CUEDC1: variants seen among roughly 807,000 people sequenced by gnomAD.
CUEDC1 encodes the protein CUE domain containing 1.
In CUEDC1, 30 loss-of-function variants were observed where a neutral mutation model predicts 43.7. That is an observed-to-expected ratio of 0.69 (90% CI 0.51 to 0.93). CUEDC1 has a LOEUF of 0.93. Ranked by LOEUF, CUEDC1 falls within the 40% of genes least tolerant of loss-of-function variation. CUEDC1 has a pLI of 0.00. For missense variants in CUEDC1, 486 were observed against 549.0 expected (o/e 0.89, Z 1.15); for synonymous variants, 223 against 223.6 (o/e 1.00, Z 0.02).
At position 57,872,668 on chromosome 17, in the gene CUEDC1, TC is replaced by T. The variant is rs2074050244; in HGVS notation, c.778del (p.Glu260ArgfsTer5). 6.2e-7 allele frequency: 1 copy of T among 1,613,882 alleles called. No individual in the cohort carries two copies. The highest frequency in any genetic ancestry group is 2.2e-5 in the East Asian group (1 of 44,862). On this transcript the variant is annotated frameshift_variant, in exon 5 of 11. Coordinates refer to ENST00000577830, the MANE Select transcript of CUEDC1 (RefSeq NM_001271875.2). LOFTEE classifies it high-confidence loss of function. The part of the protein sequence containing the change: ...QRNRDFLLAL[E>X]RDRLKYESQK... ...TGGCTGCAGGCGCTGCCCACCTCTC[TC>T]CAGAGCGAGGAGGAAGTCGCGGTTC... is the stretch of plus-strand genomic sequence containing the variant.
In CUEDC1 at chr17:57,862,661, C is replaced by CAA. The variant is rs1006843277; in HGVS notation, c.*627_*628insTT. On this transcript the variant is annotated 3_prime_UTR_variant, in exon 11 of 11. Transcript: ENST00000577830. Reference sequence around the variant, plus strand: ...TGCTTTGCAGTAGCCCATAGCTCCTCAGAGTTCCTGGGGGACTGGCCAGGG... The same window carrying CAA: ...TGCTTTGCAGTAGCCCATAGCTCCTCAAAGAGTTCCTGGGGGACTGGCCAGGG... 3.3e-5 allele frequency: 5 copies of CAA among 152,338 alleles called. No homozygotes were observed. Among genetic ancestry groups the CAA allele is most frequent in the African/African-American group, 9.7e-5 (4 of 41,412 alleles). The allele number at this position is 152,338 out of a possible 1,614,324, so 9.4% of individuals were successfully genotyped here. A position where few individuals can be genotyped will look rare whatever the true frequency, so the allele number is the denominator to read the frequency against.
intron 1 of CUEDC1, among the ~76,000 whole-genome samples, chr17:57,948,884 T>A (rs143308674): frequency 6.6e-6 from 1 of 152,322 alleles, no homozygotes; most frequent in African/African-American, 2.4e-5. Context: ...CTTAAGGGAC[T>A]TTTATGTCTT....
At chr17:57,911,930 CACAA>C (rs1340488856) in intron 1 of CUEDC1, among the ~76,000 whole-genome samples, 1 of 152,220 alleles carries the variant, frequency 6.6e-6, no homozygotes, top group African/African-American at 2.4e-5. Flanking sequence ...CAGTGACATT[CACAA>C]ACAGACTTCT....
At chr17:57,880,755 C>T (rs146972395) in intron 2 of CUEDC1, among the ~76,000 whole-genome samples, 217 of 152,268 alleles carry the variant, frequency 1.4e-3, no homozygotes, top group African/African-American at 4.9e-3. Context: ...TACAGGCGTG[C>T]GCCACCACCC....
chr17:57,899,922 G>C (rs1311319142), intron 1 of CUEDC1, among the ~76,000 whole-genome samples: 1 of 151,882 alleles, frequency 6.6e-6, no homozygotes, highest in African/African-American at 2.4e-5. Flanking sequence ...AGCAGGGCCA[G>C]ATGAGGCCCT....
At chr17:57,911,949 A>G (rs915114804) in intron 1 of CUEDC1, among the ~76,000 whole-genome samples, 5 of 152,202 alleles carry the variant, frequency 3.3e-5, no homozygotes, top group Non-Finnish European at 7.3e-5. Flanking sequence ...ACTTCTAATT[A>G]TTCACTCGCT....
chr17:57,928,700 A>C (rs953406291), intron 1 of CUEDC1, among the ~76,000 whole-genome samples: 4 of 151,280 alleles, frequency 2.6e-5, no homozygotes, highest in African/African-American at 9.7e-5. Context: ...GGGCAACTTG[A>C]GTTTCTCCAG....
At chr17:57,938,978 T>A (rs1264045972) in intron 1 of CUEDC1, among the ~76,000 whole-genome samples, 1 of 123,758 alleles carries the variant, frequency 8.1e-6, no homozygotes, top group Non-Finnish European at 1.7e-5. Flanking sequence ...TTTTTTTTTT[T>A]TTTTTTTGAA....
chr17:57,897,071 A>C (rs991614166), intron 1 of CUEDC1, among the ~76,000 whole-genome samples: 3 of 152,010 alleles, frequency 2.0e-5, no homozygotes, highest in Non-Finnish European at 4.4e-5. Context: ...GCGCCTGGCC[A>C]TGTCTTTTGC....
rs1259354319 is a variant in CUEDC1 at position 57,885,698 on chromosome 17, C to CA, written c.-135_-134insT. On this transcript the variant is annotated 5_prime_UTR_variant, in exon 2 of 11. The change abolishes the stop of an existing upstream ORF in the 5' untranslated region. Coordinates refer to ENST00000577830, the MANE Select transcript of CUEDC1 (RefSeq NM_001271875.2). Reference sequence around the variant, plus strand: ...CCTGCGCCTCCTCCTCCCCGGGTAGCCAGGCAGCAATGGGCTGCCAAGAGC... The same window carrying CA: ...CCTGCGCCTCCTCCTCCCCGGGTAGCACAGGCAGCAATGGGCTGCCAAGAGC... The CA allele has an allele frequency of 2.2e-5, 28 of 1,286,692 alleles. No individual in the cohort carries two copies. The Middle Eastern group carries it at 8.8e-4, about 40-fold the overall frequency. 79.7% of individuals were successfully genotyped at this position (1,286,692 alleles called of 1,614,324 possible).
intron 1 of CUEDC1, chr17:57,903,104 C>G (rs1238361117): frequency 1.3e-5 from 2 of 152,248 alleles, no homozygotes. Flanking sequence ...GGAGGAGGAG[C>G]GAAGCCACTG....
At chr17:57,916,960 G>A (rs1166374475) in intron 1 of CUEDC1, among the ~76,000 whole-genome samples, 2 of 152,168 alleles carry the variant, frequency 1.3e-5, no homozygotes, top group Non-Finnish European at 1.5e-5. Flanking sequence ...TGGAGGGGTG[G>A]GGACTGGACT....
At chr17:57,904,763 CG>C (rs1193486406) in intron 1 of CUEDC1, among the ~76,000 whole-genome samples, 4 of 152,076 alleles carry the variant, frequency 2.6e-5, no homozygotes, top group African/African-American at 7.2e-5. Flanking sequence ...ATCGCCCTAC[CG>C]TAGGGGAGTG....
At chr17:57,918,581 A>T (rs939603620) in intron 1 of CUEDC1, among the ~76,000 whole-genome samples, 2 of 152,238 alleles carry the variant, frequency 1.3e-5, no homozygotes, top group Non-Finnish European at 2.9e-5. Context: ...TGACACAGGG[A>T]CACCTGTTTA....
intron 1 of CUEDC1, among the ~76,000 whole-genome samples, chr17:57,941,249 C>T (rs1468630950): frequency 6.6e-6 from 1 of 152,200 alleles, no homozygotes; most frequent in African/African-American, 2.4e-5. Flanking sequence ...GGAAAAGTCC[C>T]CCATGACTGA....
chr17:57,869,264 C>T (rs1302409253), intron 6 of CUEDC1, 71 bp from the exon 7 acceptor site: 2 of 1,327,302 alleles, frequency 1.5e-6, no homozygotes, highest in African/African-American at 1.4e-5. Context: ...CCTACCCACC[C>T]ATCTGAGGAC....
chr17:57,946,079 G>A (rs1291624257), intron 1 of CUEDC1, among the ~76,000 whole-genome samples: 1 of 152,126 alleles, frequency 6.6e-6, no homozygotes, highest in East Asian at 1.9e-4. Flanking sequence ...AAGACTCAGA[G>A]AGATTGAGTA....
chr17:57,933,854 C>T (rs562797611), intron 1 of CUEDC1, among the ~76,000 whole-genome samples: 4 of 152,258 alleles, frequency 2.6e-5, no homozygotes, highest in East Asian at 3.9e-4. Flanking sequence ...TTTCTCCCTA[C>T]ACCTCCTTCA....
intron 1 of CUEDC1, among the ~76,000 whole-genome samples, chr17:57,897,514 C>CA (rs1042486445): frequency 5.9e-4 from 90 of 151,844 alleles, no homozygotes; most frequent in Non-Finnish European, 1.1e-3. Flanking sequence ...ACTAAAAATA[C>CA]AAAAAATTAG....
Sources: gnomAD v4.1 joint callset for allele counts (sites outside exome capture counted in the v4.1 genomes callset) on GRCh38, gnomAD v4.1.1 for gene constraint, MANE v1.5 for transcripts, NCBI Gene and HGNC (gene_info 2026-07-23, HGNC 2026-07-21) for gene names.